The following SPIN1 variants were observed in gnomAD, a reference collection of about 807,000 sequenced individuals.
SPIN1 encodes the protein spindlin 1, also known as spindlin-1.
In SPIN1, 3 loss-of-function variants were observed where a neutral mutation model predicts 26.0. The ratio of observed to expected loss-of-function variants is 0.12; its 90% CI spans 0.05 to 0.30. The LOEUF is 0.30. Among genes scored for constraint, SPIN1 ranks in the 10% least tolerant of loss-of-function variants. The pLI is 1.00. For synonymous variants in SPIN1, 101 were observed against 116.5 expected (o/e 0.87, Z 0.86); for missense variants, 126 against 333.4 (o/e 0.38, Z 4.84).
At chr9:88,404,915 CAAAA>C (rs112038274) in intron 1 of SPIN1, among the ~76,000 whole-genome samples, 4 of 83,860 alleles carry the variant, frequency 4.8e-5, no homozygotes, top group South Asian at 3.8e-4. Context: ...GATTTCGTCT[CAAAA>C]AAAAAAAAAA....
At chr9:88,399,076 G>C (rs924575616) in intron 1 of SPIN1, among the ~76,000 whole-genome samples, 47 of 150,476 alleles carry the variant, frequency 3.1e-4, no homozygotes, top group African/African-American at 1.1e-3. Context: ...CTATTGCCCA[G>C]GCTGGAGTGC....
intron 1 of SPIN1, among the ~76,000 whole-genome samples, chr9:88,405,482 C>T (rs1554691933): frequency 6.6e-6 from 1 of 151,058 alleles, no homozygotes; most frequent in Non-Finnish European, 1.5e-5. Flanking sequence ...CCACCTCGCC[C>T]TCCCAAAGTG....
At chr9:88,457,944 A>G in intron 3 of SPIN1, 2 of 985,396 alleles carry the variant, frequency 2.0e-6, no homozygotes, top group Non-Finnish European at 2.4e-6. Flanking sequence ...ACATTTCAGC[A>G]ATGCAGTAGA....
In SPIN1 at chr9:88,477,688, C is replaced by T. The variant is rs1437207341; in HGVS notation, c.*2411C>T. 1.3e-5 allele frequency: 2 copies of T among 152,574 alleles called. No homozygotes were observed. The highest frequency in any genetic ancestry group is 4.8e-5 in the African/African-American group (2 of 41,432). 9.5% of individuals were successfully genotyped at this position (152,574 alleles called of 1,614,324 possible). On this transcript the variant is annotated 3_prime_UTR_variant, in exon 6 of 6. Transcript: ENST00000375859. Reference sequence around the variant, plus strand: ...GTGTCAGATCTGCATGCATTGCTTGCATTTTTCTGGTATCTGAATGTTGGT... The same window carrying T: ...GTGTCAGATCTGCATGCATTGCTTGTATTTTTCTGGTATCTGAATGTTGGT...
At chr9:88,405,443 G>T (rs1401202560) in intron 1 of SPIN1, among the ~76,000 whole-genome samples, 1 of 151,664 alleles carries the variant, frequency 6.6e-6, no homozygotes, top group Non-Finnish European at 1.5e-5. Context: ...TGGTCAGGCT[G>T]GTCCAGTACT....
chr9:88,475,420 T>A lies in SPIN1; in HGVS notation c.*143T>A. ...TCTGCCAGCAGAACTGGTTTTGTTC[T>A]GAATAGTACAGATTGATGTGAACAC... On this transcript the variant is annotated 3_prime_UTR_variant, in exon 6 of 6. Transcript: ENST00000375859. 1.3e-6 allele frequency: 1 copy of A among 769,862 alleles called. No homozygotes were observed. Among genetic ancestry groups the A allele is most frequent in the Non-Finnish European group, 2.1e-6 (1 of 487,776 alleles). The allele number at this position is 769,862 out of a possible 1,614,324, so 47.7% of individuals were successfully genotyped here.
chr9:88,475,107 G>A lies in SPIN1; in HGVS notation c.619G>A (p.Gly207Arg). ...TTCACCTCCAGCAGAAAGGGAACCA[G>A]GAGAAGTTGTGGACAGCCTGGTAGG... is the stretch of plus-strand genomic sequence containing the variant. ...NDSPPAEREPGEVVDSLVGKQ... is the reference protein window; with the variant it reads ...NDSPPAEREPREVVDSLVGKQ... The change falls in exon 6 of 6, where the codon GGA becomes AGA. Residue 207 changes from glycine (G) to arginine (R), a missense_variant. Coordinates refer to ENST00000375859, the MANE Select transcript of SPIN1 (RefSeq NM_006717.3). 1 of 1,604,076 alleles carries A rather than the reference G, an allele frequency of 6.2e-7. No homozygotes were observed. Among genetic ancestry groups the A allele is most frequent in the Non-Finnish European group, 8.5e-7 (1 of 1,176,958 alleles).
chr9:88,414,238 C>T (rs1827516109), intron 1 of SPIN1, among the ~76,000 whole-genome samples: 1 of 152,174 alleles, frequency 6.6e-6, no homozygotes, highest in Non-Finnish European at 1.5e-5. Context: ...TGAGCTTGAA[C>T]TCAATTTCTT....
In SPIN1 at chr9:88,401,421, C is replaced by T. The variant is rs567130199; in HGVS notation, c.-159+12883C>T. 3.3e-5 allele frequency among the ~76,000 whole-genome samples: 5 copies of T among 152,188 alleles called. No individual in the cohort carries two copies. The South Asian group carries it at 6.2e-4, about 19-fold the overall frequency. On this transcript the variant is annotated intron_variant, in intron 1 of 5. Coordinates refer to ENST00000375859, the MANE Select transcript of SPIN1 (RefSeq NM_006717.3). ...GGAATTGGTTCCAGGACCCACACTC[C>T]GCCTGCCTCCCCGCCTGCACCCCAC...
At chr9:88,410,162 A>AGAGTGT (rs1827406477) in intron 1 of SPIN1, among the ~76,000 whole-genome samples, 1 of 133,046 alleles carries the variant, frequency 7.5e-6, no homozygotes. Context: ...GCATATATTT[A>AGAGTGT]GTGTGTGTGT....
chr9:88,405,982 G>A (rs1827296694), intron 1 of SPIN1, among the ~76,000 whole-genome samples: 1 of 150,578 alleles, frequency 6.6e-6, no homozygotes, highest in African/African-American at 2.5e-5. Context: ...ACAGGCGCAT[G>A]CCACCGTGCC....
chr9:88,446,163 T>A (rs1276790362), intron 2 of SPIN1, among the ~76,000 whole-genome samples: 4 of 152,182 alleles, frequency 2.6e-5, no homozygotes, highest in Non-Finnish European at 5.9e-5. Flanking sequence ...TACTCTGTAA[T>A]TGGGTTCATA....
At chr9:88,440,039 C>T (rs1280709584) in intron 2 of SPIN1, among the ~76,000 whole-genome samples, 1 of 152,124 alleles carries the variant, frequency 6.6e-6, no homozygotes, top group Non-Finnish European at 1.5e-5. Flanking sequence ...TGCCCTTGTT[C>T]TTTTTTCCAG....
At chr9:88,398,618 C>T (rs1827120031) in intron 1 of SPIN1, among the ~76,000 whole-genome samples, 2 of 152,122 alleles carry the variant, frequency 1.3e-5, no homozygotes, top group Non-Finnish European at 2.9e-5. Context: ...TCTTGTTGCC[C>T]AGGCTGGAGT....
chr9:88,391,201 G>A (rs1188051121), intron 1 of SPIN1, among the ~76,000 whole-genome samples: 1 of 152,060 alleles, frequency 6.6e-6, no homozygotes, highest in Non-Finnish European at 1.5e-5. Context: ...ATAGATCTCT[G>A]ATAAATTATT....
chr9:88,421,590 T>C (rs1472362514), intron 1 of SPIN1, among the ~76,000 whole-genome samples: 1 of 151,926 alleles, frequency 6.6e-6, no homozygotes, highest in Admixed American at 6.6e-5. Flanking sequence ...TAAGTGTCTT[T>C]TGTAGCTTTC....
At chr9:88,432,312 C>T (rs944915113) in intron 2 of SPIN1, among the ~76,000 whole-genome samples, 2 of 151,658 alleles carry the variant, frequency 1.3e-5, no homozygotes, top group African/African-American at 4.8e-5. Context: ...GTCTCAGCCT[C>T]CCAAGTAGTG....
chr9:88,459,506 TCTC>T (rs1341174119), intron 3 of SPIN1, among the ~76,000 whole-genome samples: 3 of 152,208 alleles, frequency 2.0e-5, no homozygotes, highest in Admixed American at 1.3e-4. Context: ...CTCTTTGTCA[TCTC>T]CTTTCTCTCT....
At chr9:88,405,556 T>TTTTTTTTC (rs756156368) in intron 1 of SPIN1, among the ~76,000 whole-genome samples, 1 of 144,500 alleles carries the variant, frequency 6.9e-6, no homozygotes, top group African/African-American at 2.6e-5. Flanking sequence ...TTTTTTTTTT[T>TTTTTTTTC]CCCTGAGACA....
Sources: gnomAD v4.1 joint callset for allele counts (sites outside exome capture counted in the v4.1 genomes callset) on GRCh38, gnomAD v4.1.1 for gene constraint, MANE v1.5 for transcripts, NCBI Gene and HGNC (gene_info 2026-07-23, HGNC 2026-07-21) for gene names.